The following IGF1R variants were observed in gnomAD, a reference collection of about 807,000 sequenced individuals.
The protein encoded by IGF1R is insulin-like growth factor 1 receptor.
A neutral mutation model predicts 144.6 loss-of-function variants in IGF1R; 44 were observed. The observed-to-expected ratio is 0.30, with a 90% CI of 0.24 to 0.39. The LOEUF is 0.39. Among genes scored for constraint, IGF1R ranks in the 10% least tolerant of loss-of-function variants. The pLI, the probability that IGF1R is intolerant of heterozygous loss-of-function variation, is 1.00. For missense variants in IGF1R, 1,355 were observed against 1,833.7 expected, an observed-to-expected ratio of 0.74 and a Z score of 4.77; for synonymous variants, 795 against 722.8, an observed-to-expected ratio of 1.10 and a Z score of -1.60.
intron 2 of IGF1R, among the ~76,000 whole-genome samples, chr15:98,785,983 C>T (rs1242102213): frequency 6.6e-6 from 1 of 152,174 alleles, no homozygotes; most frequent in Admixed American, 6.5e-5. Context: ...ATGGATGGTC[C>T]CAGCGCTCAG....
intron 5 of IGF1R, among the ~76,000 whole-genome samples, chr15:98,902,415 C>CT (rs11434197): frequency 0.18 from 22,034 of 119,834 alleles, 2,953 homozygotes; most frequent in East Asian, 0.39. Context: ...TTTTCTTGAA[C>CT]TTTTTTTTTT....
At chr15:98,694,824 G>A (rs2053560498) in intron 1 of IGF1R, among the ~76,000 whole-genome samples, 3 of 152,210 alleles carry the variant, frequency 2.0e-5, no homozygotes, top group South Asian at 2.1e-4. Context: ...CGGGGAGGCC[G>A]ACTTTCCTGT....
rs987977005 is a variant in IGF1R, at chr15:98,964,080, G to T, written c.*6638G>T. ...TGCTTTCTAAGCCAGTGAGGTTGAG[G>T]TGAGAGGTTTGCCAGAGTTTGTCTA... On this transcript the variant is annotated 3_prime_UTR_variant, in exon 21 of 21. Coordinates refer to ENST00000650285, the MANE Select transcript of IGF1R (RefSeq NM_000875.5). 2.6e-5 allele frequency: 6 copies of T among 233,198 alleles called. No homozygotes were observed. Among genetic ancestry groups the T allele is most frequent in the Non-Finnish European group, 8.5e-6 (1 of 117,836 alleles). 14.4% of individuals were successfully genotyped at this position (233,198 alleles called of 1,614,324 possible).
chr15:98,830,605 C>CTTTGTTTTTTTT (rs2056983672), intron 2 of IGF1R, among the ~76,000 whole-genome samples: 1 of 135,980 alleles, frequency 7.4e-6, no homozygotes, highest in African/African-American at 2.8e-5. Context: ...TGATCATCAT[C>CTTTGTTTTTTTT]TTTTTTTTTT....
intron 1 of IGF1R, among the ~76,000 whole-genome samples, chr15:98,656,807 G>A (rs1035350589): frequency 3.3e-5 from 5 of 152,078 alleles, no homozygotes; most frequent in African/African-American, 4.8e-5. Context: ...CCATCCATCC[G>A]TCCATCGTCC....
chr15:98,855,773 A>G (rs888637646), intron 2 of IGF1R, among the ~76,000 whole-genome samples: 1 of 152,234 alleles, frequency 6.6e-6, no homozygotes, highest in African/African-American at 2.4e-5. Context: ...AGCCCCTTAA[A>G]GGCAGTTGTC....
At position 98,651,986 on chromosome 15, in the gene IGF1R, C is replaced by T. The variant is rs552115779; in HGVS notation, c.94+2311C>T. Among the ~76,000 whole-genome samples, 3 of 152,272 alleles carry T rather than the reference C, an allele frequency of 2.0e-5. No homozygotes were observed. The East Asian group carries it at 5.8e-4, about 29-fold the overall frequency. ...ATAGAAATAAGCTGCTGAGCCCTAT[C>T]AGGGAGGGCGTTCTTTCAGCTGTTG... On this transcript the variant is annotated intron_variant, in intron 1 of 20. Transcript: ENST00000650285.
At chr15:98,914,883 T>G (rs2015176661) in intron 8 of IGF1R, among the ~76,000 whole-genome samples, 1 of 152,214 alleles carries the variant, frequency 6.6e-6, no homozygotes. Context: ...TACTTATTTT[T>G]GGAAACCCTA....
At chr15:98,658,366 T>TA (rs2052531483) in intron 1 of IGF1R, among the ~76,000 whole-genome samples, 1 of 152,216 alleles carries the variant, frequency 6.6e-6, no homozygotes, top group South Asian at 2.1e-4. Context: ...GTCCTAAAGT[T>TA]ATTAACTTTT....
intron 19 of IGF1R, among the ~76,000 whole-genome samples, chr15:98,947,526 T>G (rs1286977765): frequency 6.6e-6 from 1 of 152,174 alleles, no homozygotes; most frequent in Non-Finnish European, 1.5e-5. Context: ...TCCACCAAAG[T>G]GAACCACATG....
intron 2 of IGF1R, among the ~76,000 whole-genome samples, chr15:98,868,476 A>T (rs1185007114): frequency 6.6e-6 from 1 of 151,642 alleles, no homozygotes; most frequent in South Asian, 2.1e-4. Flanking sequence ...CCTTGGCAAG[A>T]TACAGCCTCT....
At chr15:98,728,662 T>C (rs1429282716) in intron 2 of IGF1R, among the ~76,000 whole-genome samples, 1 of 152,252 alleles carries the variant, frequency 6.6e-6, no homozygotes, top group African/African-American at 2.4e-5. Flanking sequence ...CAGGGCCGCC[T>C]GGGCGGGGTC....
chr15:98,695,702 G>A (rs2053579663), intron 1 of IGF1R, among the ~76,000 whole-genome samples: 1 of 152,210 alleles, frequency 6.6e-6, no homozygotes, highest in Non-Finnish European at 1.5e-5. Flanking sequence ...AGGCAGTCCA[G>A]TCGGGTTTCA....
intron 8 of IGF1R, among the ~76,000 whole-genome samples, chr15:98,913,816 C>A (rs1233485504): frequency 1.3e-5 from 2 of 152,192 alleles, no homozygotes; most frequent in Non-Finnish European, 2.9e-5. Flanking sequence ...TAAACCATCT[C>A]ATTTCTCAAC....
At chr15:98,920,880 C>G (rs1275395616) in intron 10 of IGF1R, among the ~76,000 whole-genome samples, 2 of 152,184 alleles carry the variant, frequency 1.3e-5, no homozygotes, top group East Asian at 3.9e-4. Flanking sequence ...TCCCAAAGCC[C>G]TCTGCTCTCC....
At chr15:98,836,991 G>A (rs557539537) in intron 2 of IGF1R, among the ~76,000 whole-genome samples, 1 of 152,334 alleles carries the variant, frequency 6.6e-6, no homozygotes, top group Admixed American at 6.5e-5. Flanking sequence ...GTGCCTGCCA[G>A]GTTTCTCCAG....
intron 5 of IGF1R, among the ~76,000 whole-genome samples, chr15:98,905,679 A>G (rs28668108): frequency 0.021 from 3,214 of 152,192 alleles, 124 homozygotes; most frequent in African/African-American, 0.073. Flanking sequence ...GAAAAAAAAA[A>G]AAAAACCTAA....
intron 17 of IGF1R, among the ~76,000 whole-genome samples, chr15:98,937,168 G>A (rs1020190545): frequency 5.3e-5 from 8 of 152,188 alleles, no homozygotes; most frequent in African/African-American, 1.4e-4. Flanking sequence ...TTACAGGTGT[G>A]AGCCGCTGCG....
At chr15:98,778,649 T>A (rs929599973) in intron 2 of IGF1R, among the ~76,000 whole-genome samples, 2 of 152,198 alleles carry the variant, frequency 1.3e-5, no homozygotes, top group South Asian at 4.1e-4. Context: ...GGCCCATAGC[T>A]CTCTATCTTG....
Sources: gnomAD v4.1 joint callset for allele counts (sites outside exome capture counted in the v4.1 genomes callset) on GRCh38, gnomAD v4.1.1 for gene constraint, MANE v1.5 for transcripts, NCBI Gene and HGNC (gene_info 2026-07-23, HGNC 2026-07-21) for gene names.